The following TMEM131 variants were observed in gnomAD, a reference collection of about 807,000 sequenced individuals.
TMEM131 encodes the protein transmembrane protein 131, also known as 2610524E03Rik.
In TMEM131, 66 loss-of-function variants were observed where a neutral mutation model predicts 211.6. The observed-to-expected ratio is 0.31, with a 90% CI of 0.26 to 0.38. The LOEUF is 0.38. Among genes scored for constraint, TMEM131 ranks in the 10% least tolerant of loss-of-function variants. The probability of loss-of-function intolerance (pLI) is 1.00; values close to 1 mark genes in which losing one functional copy is unlikely to be tolerated. For missense variants in TMEM131, 2,036 were observed against 2,299.3 expected, an observed-to-expected ratio of 0.89 and a Z score of 2.34; for synonymous variants, 844 against 841.3, an observed-to-expected ratio of 1.00 and a Z score of -0.06.
At chr2:97,853,434 A>G (rs1425574378) in intron 5 of TMEM131, among the ~76,000 whole-genome samples, 12 of 19,240 alleles carry the variant, frequency 6.2e-4, no homozygotes, top group African/African-American at 2.8e-3. Context: ...ATCTCTACTA[A>G]AAAAAAAAAA....
At chr2:97,766,871 C>T (rs953099368) in intron 33 of TMEM131, among the ~76,000 whole-genome samples, 5 of 152,218 alleles carry the variant, frequency 3.3e-5, no homozygotes, top group Middle Eastern at 3.4e-3. Context: ...TTTAATAATA[C>T]GTAACGTGAG....
intron 1 of TMEM131, among the ~76,000 whole-genome samples, chr2:97,971,653 T>C (rs904268796): frequency 2.6e-4 from 40 of 152,232 alleles, no homozygotes; most frequent in Admixed American, 2.6e-3. Context: ...AAGTATAGGT[T>C]TGTAGTCTCA....
chr2:97,962,813 T>A (rs913166086), intron 1 of TMEM131, among the ~76,000 whole-genome samples: 6 of 152,200 alleles, frequency 3.9e-5, no homozygotes, highest in African/African-American at 1.4e-4. Flanking sequence ...AAAACTAAAT[T>A]GTAGTTTACT....
In TMEM131 at chr2:97,995,490, C is replaced by A. The variant is rs1680460935; in HGVS notation, c.173G>T (p.Arg58Leu). 6 of 1,408,986 alleles carry A rather than the reference C, an allele frequency of 4.3e-6. No individual in the cohort carries two copies. Among genetic ancestry groups the A allele is most frequent in the Non-Finnish European group, 5.6e-6 (6 of 1,076,290 alleles). 87.3% of individuals were successfully genotyped at this position (1,408,986 alleles called of 1,614,324 possible). A position where few individuals can be genotyped will look rare whatever the true frequency, so the allele number is the denominator to read the frequency against. The change falls in exon 1 of 41, where the codon CGG becomes CTG. Residue 58 changes from arginine to leucine, a missense_variant. Arg to Leu is a moderately radical substitution (Grantham distance 102). Transcript: ENST00000186436. ...GGGACACCCACCTTCCTTCTCGGCCCGCGCCGCAGCCACTACGAGGGTCAT... is the reference window on the plus strand; with the variant it reads ...GGGACACCCACCTTCCTTCTCGGCCAGCGCCGCAGCCACTACGAGGGTCAT... Reference protein sequence around the residue: ...LVMTLVVAAARAEKEAFVQSE... With the variant: ...LVMTLVVAAALAEKEAFVQSE...
In TMEM131 at chr2:97,820,635, G is replaced by A. The variant is rs538145227; in HGVS notation, c.1075-1914C>T. On this transcript the variant is annotated intron_variant, in intron 11 of 40. Transcript: ENST00000186436. ...GCACGTTGGGAGGCCAAGGCACGTG[G>A]ATCATGAGGTCAGGAGTTCAAGACC... is the stretch of plus-strand genomic sequence containing the variant. 2.6e-5 allele frequency among the ~76,000 whole-genome samples: 4 copies of A among 152,230 alleles called. No individual in the cohort carries two copies. In the South Asian group the frequency reaches 8.3e-4, roughly 32 times the overall value.
At chr2:97,819,863 C>T (rs763801243) in intron 11 of TMEM131, among the ~76,000 whole-genome samples, 10 of 152,288 alleles carry the variant, frequency 6.6e-5, no homozygotes, top group East Asian at 1.9e-4. Context: ...TGCTCTTTTC[C>T]GCCCGTTTAT....
intron 1 of TMEM131, among the ~76,000 whole-genome samples, chr2:97,984,867 G>A (rs987206219): frequency 3.9e-5 from 6 of 152,106 alleles, no homozygotes; most frequent in East Asian, 1.9e-4. Flanking sequence ...ATGTGGAAGT[G>A]TGTGAGTATA....
chr2:97,781,920 G>A (rs905809472), intron 31 of TMEM131, among the ~76,000 whole-genome samples: 6 of 152,196 alleles, frequency 3.9e-5, no homozygotes, highest in Admixed American at 1.3e-4. Flanking sequence ...CCAACACCAC[G>A]GTAAGAACTG....
Position 97,917,947 on chromosome 2 carries a change from CT to C in TMEM131, c.250-9250del, listed in dbSNP as rs1239831659. ...AATCACATGATTGGTTTTTTTCTCT[CT>C]TTTTTTTTTTTTTCTTGAGACAGAA... On this transcript the variant is annotated intron_variant, in intron 2 of 40. Coordinates refer to ENST00000186436, the MANE Select transcript of TMEM131 (RefSeq NM_015348.2). 9.2e-3 allele frequency among the ~76,000 whole-genome samples: 1,343 copies of C among 145,934 alleles called. 24 individuals carry two copies. Among genetic ancestry groups the C allele is most frequent in the African/African-American group, 0.028 (1,105 of 39,918 alleles).
intron 39 of TMEM131, 71 bp downstream of exon 39, chr2:97,759,581 C>T (rs1678707182): frequency 1.5e-6 from 2 of 1,356,694 alleles, no homozygotes; most frequent in African/African-American, 1.4e-5. Flanking sequence ...CTCCAGCACA[C>T]AAAACCACAC....
At chr2:97,976,725 T>C (rs531887915) in intron 1 of TMEM131, among the ~76,000 whole-genome samples, 8 of 152,190 alleles carry the variant, frequency 5.3e-5, no homozygotes, top group African/African-American at 1.9e-4. Flanking sequence ...ACAAAGTTGG[T>C]GAACTGACAC....
intron 5 of TMEM131, among the ~76,000 whole-genome samples, chr2:97,854,317 C>T (rs1455339668): frequency 1.3e-5 from 2 of 152,104 alleles, no homozygotes; most frequent in Non-Finnish European, 2.9e-5. Flanking sequence ...ACTTAATAGG[C>T]CACAGTATAG....
chr2:97,857,432 G>GA (rs1163874862), intron 5 of TMEM131, among the ~76,000 whole-genome samples: 1 of 152,026 alleles, frequency 6.6e-6, no homozygotes, highest in African/African-American at 2.4e-5. Flanking sequence ...CGGTAGCAAT[G>GA]AAAAAAATAA....
intron 1 of TMEM131, among the ~76,000 whole-genome samples, chr2:97,955,045 A>G (rs976275387): frequency 2.0e-5 from 3 of 152,156 alleles, no homozygotes; most frequent in Admixed American, 2.0e-4. Flanking sequence ...AAAACTATAG[A>G]CCACTATTCC....
intron 26 of TMEM131, 98 bp downstream of exon 26, chr2:97,797,267 A>T: frequency 8.4e-7 from 1 of 1,195,874 alleles, no homozygotes. Context: ...GTGAATTCAA[A>T]CTATTTCATA....
At position 97,982,023 on chromosome 2, in the gene TMEM131, T is replaced by C. The variant is rs372812331; in HGVS notation, c.187+13453A>G. 2.3e-4 allele frequency among the ~76,000 whole-genome samples: 35 copies of C among 152,350 alleles called. No homozygotes were observed. The South Asian group carries it at 3.5e-3, about 15-fold the overall frequency. ...GCACAAGTTTTTATGTGCAAGTTTT[T>C]GTGTTTTCGTTTCTTTGGAGTATAT... On this transcript the variant is annotated intron_variant, in intron 1 of 40. Coordinates refer to ENST00000186436, the MANE Select transcript of TMEM131 (RefSeq NM_015348.2).
At chr2:97,893,144 T>G (rs998898113) in intron 3 of TMEM131, among the ~76,000 whole-genome samples, 2 of 152,226 alleles carry the variant, frequency 1.3e-5, no homozygotes, top group African/African-American at 4.8e-5. Context: ...ATGAGGTGTT[T>G]GGTTTTCTGT....
At chr2:97,758,799 TTATAAC>T (rs2104748547) in intron 40 of TMEM131, 88 bp downstream of exon 40, 14 of 1,487,470 alleles carry the variant, frequency 9.4e-6, no homozygotes, top group Admixed American at 4.4e-5. Flanking sequence ...TGTTTGTTGT[TTATAAC>T]TATGTCAGTG....
intron 1 of TMEM131, among the ~76,000 whole-genome samples, chr2:97,968,688 C>T (rs573524324): frequency 4.6e-5 from 7 of 152,192 alleles, no homozygotes; most frequent in Admixed American, 1.3e-4. Context: ...GTAGTGAAGA[C>T]GAGACCTGGC....
Sources: gnomAD v4.1 joint callset for allele counts (sites outside exome capture counted in the v4.1 genomes callset) on GRCh38, gnomAD v4.1.1 for gene constraint, MANE v1.5 for transcripts, NCBI Gene and HGNC (gene_info 2026-07-23, HGNC 2026-07-21) for gene names.